DYNC2I2: variants seen among roughly 807,000 people sequenced by gnomAD.
DYNC2I2 encodes dynein 2 intermediate chain 2.
In DYNC2I2, 39 loss-of-function variants were observed where a neutral mutation model predicts 52.0. The ratio of observed to expected loss-of-function variants is 0.75; its 90% CI spans 0.58 to 0.98. The LOEUF is 0.98. Ranked by LOEUF, DYNC2I2 falls within the 50% of genes least tolerant of loss-of-function variation. The pLI, the probability that DYNC2I2 is intolerant of heterozygous loss-of-function variation, is 0.00. For missense variants in DYNC2I2, 743 were observed against 728.4 expected (o/e 1.02, Z -0.23); for synonymous variants, 359 against 321.1 (o/e 1.12, Z -1.26).
chr9:128,637,136 G>A, intron 2 of DYNC2I2, 109 bp from the exon 3 acceptor site: 1 of 697,058 alleles, frequency 1.4e-6, no homozygotes, highest in South Asian at 1.7e-5. Flanking sequence ...AGGCCCTCAA[G>A]TCCATCAGCC....
chr9:128,668,493 C>T, the DYNC2I2 span, among the ~76,000 whole-genome samples: 5 of 151,198 alleles, frequency 3.3e-5, no homozygotes, highest in South Asian at 2.1e-4. Context: ...CACACTCCAG[C>T]GCCAGCTTGG....
At chr9:128,671,116 G>A in the DYNC2I2 span, among the ~76,000 whole-genome samples, 1 of 149,808 alleles carries the variant, frequency 6.7e-6, no homozygotes, top group Non-Finnish European at 1.5e-5. Flanking sequence ...GTTTAGAAAA[G>A]CAGTAGCATC....
intron 1 of DYNC2I2, among the ~76,000 whole-genome samples, chr9:128,641,546 G>C (rs1044192945): frequency 6.6e-6 from 1 of 152,148 alleles, no homozygotes; most frequent in African/African-American, 2.4e-5. Flanking sequence ...ACAAACATCA[G>C]AACAGGGCAG....
intron 2 of DYNC2I2, 26 bp downstream of exon 2, chr9:128,640,665 C>T (rs1252967146): frequency 1.9e-5 from 31 of 1,603,804 alleles, no homozygotes; most frequent in Non-Finnish European, 2.5e-5. Flanking sequence ...GGGCTCGACC[C>T]GAGGCTGCAC....
chr9:128,666,980 C>T, the DYNC2I2 span, among the ~76,000 whole-genome samples: 6 of 151,996 alleles, frequency 3.9e-5, no homozygotes, highest in African/African-American at 1.2e-4. Context: ...GGGGGTGGAT[C>T]ACGAGGTCAG....
rs1439731759 is a variant in DYNC2I2, at chr9:128,636,398, A to T, written c.586T>A (p.Cys196Ser). The change falls in exon 4 of 9, where the codon TGT (cysteine) becomes AGT (serine). Residue 196 changes from cysteine to serine, a missense_variant. Coordinates refer to ENST00000372715, the MANE Select transcript of DYNC2I2 (RefSeq NM_052844.4). ...GDWSTLKSFV[C>S]AWNLDRRDLR... ...TCTCGCCGGTCCAGGTTCCAGGCAC[A>T]CACGAAGGACTTAAGCGTGCTCCAG... 4 of 1,610,594 alleles carry T rather than the reference A, an allele frequency of 2.5e-6. No homozygotes were observed. Among genetic ancestry groups the T allele is most frequent in the Middle Eastern group, 1.7e-4 (1 of 6,014 alleles).
chr9:128,655,792 T>A (rs1860809809), intron 1 of DYNC2I2, among the ~76,000 whole-genome samples: 1 of 148,826 alleles, frequency 6.7e-6, no homozygotes, highest in Non-Finnish European at 1.5e-5. Context: ...CCGCCTGTAG[T>A]CCCAGCTACT....
intron 1 of DYNC2I2, chr9:128,652,256 A>AGGT (rs1860730614): frequency 6.6e-6 from 1 of 150,654 alleles, no homozygotes. Flanking sequence ...ACATGGTGAA[A>AGGT]CTTCGTCTCT....
At chr9:128,647,786 TTATGTA>T in intron 1 of DYNC2I2, among the ~76,000 whole-genome samples, 1 of 150,650 alleles carries the variant, frequency 6.6e-6, no homozygotes, top group South Asian at 2.1e-4. Flanking sequence ...GGGCCAGACT[TTATGTA>T]ATCAGACCAG....
At chr9:128,653,925 G>A (rs1415037549) in intron 1 of DYNC2I2, among the ~76,000 whole-genome samples, 1 of 151,928 alleles carries the variant, frequency 6.6e-6, no homozygotes, top group African/African-American at 2.4e-5. Context: ...GCAGGAGAAT[G>A]GCGTGAACCC....
At chr9:128,636,022 T>C in intron 4 of DYNC2I2, 2 of 706,758 alleles carry the variant, frequency 2.8e-6, no homozygotes, top group Admixed American at 4.8e-5. Context: ...CACTGACGGC[T>C]TCCCAAGGGC....
At chr9:128,647,792 A>T (rs541903036) in intron 1 of DYNC2I2, among the ~76,000 whole-genome samples, 1 of 151,950 alleles carries the variant, frequency 6.6e-6, no homozygotes, top group South Asian at 2.1e-4. Context: ...GACTTTATGT[A>T]ATCAGACCAG....
rs568974447 is a variant in DYNC2I2, at chr9:128,656,818, C to T, written c.-92G>A. The stretch of plus-strand genomic sequence containing the variant: ...CGGAAAACGGGGAATGTGAGGCTGA[C>T]GGCGCCATGTTTGAATTGGTCGCAG... On this transcript the variant is annotated 5_prime_UTR_variant, in exon 1 of 9. Coordinates refer to ENST00000372715, the MANE Select transcript of DYNC2I2 (RefSeq NM_052844.4). The T allele has an allele frequency of 3.2e-6, 4 of 1,253,468 alleles. No homozygotes were observed. The highest frequency in any genetic ancestry group is 3.0e-4 in the Middle Eastern group (1 of 3,376). 77.6% of individuals were successfully genotyped at this position (1,253,468 alleles called of 1,614,324 possible).
intron 1 of DYNC2I2, among the ~76,000 whole-genome samples, chr9:128,641,491 C>T (rs559091804): frequency 4.6e-5 from 7 of 152,290 alleles, no homozygotes; most frequent in South Asian, 2.1e-4. Context: ...CCTGCCACCA[C>T]GCCTACTATT....
chr9:128,665,056 CTT>C, the DYNC2I2 span, among the ~76,000 whole-genome samples: 23 of 138,714 alleles, frequency 1.7e-4, no homozygotes, highest in Admixed American at 2.2e-4. Flanking sequence ...TTTTCTTTTT[CTT>C]TTTTTTTTTT....
In DYNC2I2 at chr9:128,636,521, GAC is replaced by G. The variant is rs59088762; in HGVS notation, c.546-85_546-84del. 1,740 of 1,475,090 alleles carry G rather than the reference GAC, an allele frequency of 1.2e-3. 26 individuals are homozygous for G. The African/African-American group carries it at 0.021, about 18-fold the overall frequency. 91.4% of individuals were successfully genotyped at this position (1,475,090 alleles called of 1,614,324 possible). On this transcript the variant is annotated intron_variant, in intron 3 of 8. Coordinates refer to ENST00000372715, the MANE Select transcript of DYNC2I2 (RefSeq NM_052844.4). ...CCCACCTCTCTCCCCACTAGCCCCG[GAC>G]ACACTCGCTGTGTCCTTGTCACCAC...
chr9:128,656,912 G>GT (rs757063940), upstream of DYNC2I2: 2 of 594,346 alleles, frequency 3.4e-6, no homozygotes, highest in Non-Finnish European at 5.2e-6. Context: ...AGCATGACCG[G>GT]TTTTGCATAC....
chr9:128,637,936 A>G lies in DYNC2I2; in HGVS notation c.436-909T>C, dbSNP rs145798305. ...ATCTGTTGACCTCATGATTCTACAT[A>G]AAGAAACTATCAACTGAGGGCCGGG... On this transcript the variant is annotated intron_variant, in intron 2 of 8. Transcript: ENST00000372715. Among the ~76,000 whole-genome samples the G allele has an allele frequency of 7.1e-3, 1,085 of 152,252 alleles. 10 individuals are homozygous for G. Among genetic ancestry groups the G allele is most frequent in the South Asian group, 0.044 (211 of 4,822 alleles).
the DYNC2I2 span, among the ~76,000 whole-genome samples, chr9:128,672,911 C>A: frequency 6.6e-6 from 1 of 152,052 alleles, no homozygotes; most frequent in African/African-American, 2.4e-5. Context: ...GTAGTCCCAG[C>A]TACTAGGGAG....
Sources: gnomAD v4.1 joint callset for allele counts (sites outside exome capture counted in the v4.1 genomes callset) on GRCh38, gnomAD v4.1.1 for gene constraint, MANE v1.5 for transcripts, NCBI Gene and HGNC (gene_info 2026-07-23, HGNC 2026-07-21) for gene names.